Variants in NUMBL observed in about 807,000 individuals in gnomAD.
The protein encoded by NUMBL is numb-like protein.
NUMBL carries 20 observed loss-of-function variants against 48.9 expected under a neutral mutation model. The ratio of observed to expected loss-of-function variants is 0.41; its 90% CI spans 0.29 to 0.59. The LOEUF is 0.59. Ranked by LOEUF, NUMBL falls within the 20% of genes least tolerant of loss-of-function variation. NUMBL has a pLI of 0.31. For missense variants in NUMBL, 660 were observed against 846.2 expected (o/e 0.78, Z 2.73); for synonymous variants, 340 against 348.7 (o/e 0.98, Z 0.28).
intron 6 of NUMBL, 52 bp from the exon 7 acceptor site, chr19:40,677,473 G>C: frequency 6.5e-7 from 1 of 1,529,490 alleles, no homozygotes; most frequent in African/African-American, 1.4e-5. Context: ...AGTGCGGACA[G>C]GGGCCAGGGG....
rs528859807 is a variant in NUMBL at position 40,677,369 on chromosome 19, C to T, written c.593G>A (p.Arg198Gln). 2.1e-5 allele frequency: 34 copies of T among 1,611,868 alleles called. No individual in the cohort carries two copies. The highest frequency in any genetic ancestry group is 1.1e-4 in the African/African-American group (8 of 75,058). Residue 198 changes from arginine to glutamine, a missense_variant, in exon 7 of 10, where the codon CGA becomes CAA. Transcript: ENST00000252891. Reference sequence around the variant, plus strand: ...ACATTCCTTCTCCCGTCGCTGTTTTCGCTCCAGGCAGGCGGCAAAAGCACA... The same window carrying T: ...ACATTCCTTCTCCCGTCGCTGTTTTTGCTCCAGGCAGGCGGCAAAAGCACA... ...VGCAFAACLE[R>Q]KQRREKECGV...
At chr19:40,680,456 CT>C (rs68111971) in intron 6 of NUMBL, among the ~76,000 whole-genome samples, 103,067 of 147,828 alleles carry the variant, frequency 0.7, 36,576 homozygotes, top group African/African-American at 0.87. Flanking sequence ...GGCCAATACT[CT>C]TTTTTTTTTG....
Position 40,684,343 on chromosome 19 carries a change from G to C in NUMBL, c.249+74C>G. 2.7e-6 allele frequency: 4 copies of C among 1,465,854 alleles called. No homozygotes were observed. The East Asian group carries it at 7.7e-5, about 28-fold the overall frequency. The allele number at this position is 1,465,854 out of a possible 1,614,324, so 90.8% of individuals were successfully genotyped here. A position where few individuals can be genotyped will look rare whatever the true frequency, so the allele number is the denominator to read the frequency against. ...CGACTTGGGCTGGTGTCCCAGCCAG[G>C]CCGCGCACCCGCACAGCACAGCACA... On this transcript the variant is annotated intron_variant, in intron 3 of 9. Transcript: ENST00000252891.
Position 40,690,553 on chromosome 19 carries a change from T to A in NUMBL, c.-70A>T. 1.0e-6 allele frequency: 1 copy of A among 999,564 alleles called. No homozygotes were observed. The highest frequency in any genetic ancestry group is 1.3e-6 in the Non-Finnish European group (1 of 778,810). 61.9% of individuals were successfully genotyped at this position (999,564 alleles called of 1,614,324 possible). A position where few individuals can be genotyped will look rare whatever the true frequency, so the allele number is the denominator to read the frequency against. Reference sequence around the variant, plus strand: ...GGCTCCCCGACTGCTGCTGCTGCGGTGGTGGCGGCGGCAGCTCGGTCTGAC... The same window carrying A: ...GGCTCCCCGACTGCTGCTGCTGCGGAGGTGGCGGCGGCAGCTCGGTCTGAC... On this transcript the variant is annotated 5_prime_UTR_variant, in exon 1 of 10. Transcript: ENST00000252891.
intron 3 of NUMBL, 177 bp downstream of exon 3, chr19:40,684,240 T>C (rs1599912894): frequency 1.5e-6 from 1 of 647,246 alleles, no homozygotes; most frequent in African/African-American, 1.9e-5. Context: ...GGCTAATTTG[T>C]TGTATTTCTA....
rs1412342120 is a variant in NUMBL at position 40,666,149 on chromosome 19, T to TG, written c.*1318_*1319insC. The TG allele has an allele frequency of 5.1e-5, 4 of 78,200 alleles. No individual in the cohort carries two copies. The highest frequency in any genetic ancestry group is 2.4e-4 in the African/African-American group (3 of 12,712). 4.8% of individuals were successfully genotyped at this position (78,200 alleles called of 1,614,324 possible). A position where few individuals can be genotyped will look rare whatever the true frequency, so the allele number is the denominator to read the frequency against. On this transcript the variant is annotated 3_prime_UTR_variant, in exon 10 of 10. Coordinates refer to ENST00000252891, the MANE Select transcript of NUMBL (RefSeq NM_004756.5). ...AGCTAATTAGAAGTAGTTTTTTTTT[T>TG]TTTGTTTTTTTTTTTTGAGACAGAG...
intron 1 of NUMBL, 23 bp downstream of exon 1, chr19:40,690,436 GC>G (rs1379872888): frequency 4.1e-6 from 5 of 1,232,108 alleles, no homozygotes; most frequent in Admixed American, 7.7e-5. Flanking sequence ...CCCGACCCGA[GC>G]CCCCCTCTCC....
In NUMBL at chr19:40,679,297, G is replaced by A. The variant is rs1229977586; in HGVS notation, c.540+1620C>T. On this transcript the variant is annotated intron_variant, in intron 6 of 9. Coordinates refer to ENST00000252891, the MANE Select transcript of NUMBL (RefSeq NM_004756.5). ...CTCAGGAAGCTGAGGTGGGAGAATC[G>A]CTTGAACCCAGGTTGCAGTGAGGCG... 3.9e-5 allele frequency among the ~76,000 whole-genome samples: 6 copies of A among 152,126 alleles called. No homozygotes were observed. The East Asian group carries it at 9.7e-4, about 24-fold the overall frequency.
At chr19:40,674,881 G>A (rs1396830399) in intron 7 of NUMBL, among the ~76,000 whole-genome samples, 1 of 152,162 alleles carries the variant, frequency 6.6e-6, no homozygotes, top group African/African-American at 2.4e-5. Context: ...GTTCACGCCT[G>A]TAATCCCAGC....
Position 40,688,211 on chromosome 19 carries a change from C to G in NUMBL, c.25-1216G>C, listed in dbSNP as rs978954670. Among the ~76,000 whole-genome samples, 2 of 152,220 alleles carry G rather than the reference C, an allele frequency of 1.3e-5. No individual in the cohort carries two copies. Among genetic ancestry groups the G allele is most frequent in the African/African-American group, 2.4e-5 (1 of 41,452 alleles). On this transcript the variant is annotated intron_variant, in intron 1 of 9. Coordinates refer to ENST00000252891, the MANE Select transcript of NUMBL (RefSeq NM_004756.5). The surrounding 1 kb of genome is among the most constrained non-coding windows in gnomAD (Gnocchi z 4.6). Reference sequence around the variant, plus strand: ...CACCCAGTGTCCATACACAGCTGTACCATGTCACTCCAATGCAGCGAAACA... The same window carrying G: ...CACCCAGTGTCCATACACAGCTGTAGCATGTCACTCCAATGCAGCGAAACA...
intron 1 of NUMBL, chr19:40,689,553 C>G (rs1462406296): frequency 6.5e-6 from 1 of 153,104 alleles, no homozygotes; most frequent in Non-Finnish European, 1.5e-5. Flanking sequence ...CCCCCCTTCC[C>G]CCCAGGTACC....
chr19:40,681,654 C>T (rs2081905854), intron 5 of NUMBL, among the ~76,000 whole-genome samples: 1 of 152,100 alleles, frequency 6.6e-6, no homozygotes, highest in South Asian at 2.1e-4. Context: ...TTACGATGTA[C>T]TAGACCCCAT....
intron 1 of NUMBL, chr19:40,690,132 G>C (rs1339210824): frequency 3.9e-6 from 1 of 256,534 alleles, no homozygotes; most frequent in Non-Finnish European, 7.4e-6. Context: ...TGATACGGGG[G>C]CTGTGTCCCC....
Position 40,681,000 on chromosome 19 carries a change from G to A in NUMBL, c.457C>T (p.Leu153=). ...KVSFCAPDRN[L]DKAFSYICRD... ...CAGATATAGGAGAAAGCCTTGTCCA[G>A]GTTGCGGTCAGGAGCACAAAAGGAG... Residue 153 remains leucine, a synonymous_variant, in exon 6 of 10, where the codon CTG becomes TTG. Transcript: ENST00000252891. The A allele has an allele frequency of 6.2e-7, 1 of 1,614,230 alleles. No individual in the cohort carries two copies. The highest frequency in any genetic ancestry group is 8.5e-7 in the Non-Finnish European group (1 of 1,180,042).
chr19:40,690,434 G>A (rs149100456), intron 1 of NUMBL, 26 bp downstream of exon 1: 33,593 of 1,210,832 alleles, frequency 0.028, 577 homozygotes, highest in Non-Finnish European at 0.032. Flanking sequence ...CCCCCGACCC[G>A]AGCCCCCCTC....
intron 3 of NUMBL, chr19:40,684,073 T>TTTG (rs1331084357): frequency 5.7e-6 from 1 of 175,914 alleles, no homozygotes; most frequent in Non-Finnish European, 1.2e-5. Context: ...TTCAAGTTTT[T>TTTG]TTTTTTTTTT....
rs756523370 is a variant in NUMBL at position 40,668,146 on chromosome 19, GAGGAGAGGGAC to G, written c.1160-19_1160-9del. 8.8e-6 allele frequency: 14 copies of G among 1,585,670 alleles called. No individual in the cohort carries two copies. The African/African-American group carries it at 1.9e-4, about 21-fold the overall frequency. ...CACCCCAGGCAGAAGTCCCTGGAGA[GAGGAGAGGGAC>G]AGGTGAGGGAGGGGGCAACGGCTTC... is the stretch of plus-strand genomic sequence containing the variant. On this transcript the variant is annotated splice_polypyrimidine_tract_variant and intron_variant, in intron 9 of 9. Coordinates refer to ENST00000252891, the MANE Select transcript of NUMBL (RefSeq NM_004756.5).
chr19:40,684,462 T>C lies in NUMBL; in HGVS notation c.204A>G (p.Ala68=), dbSNP rs1397131496. The part of the protein sequence containing the change: ...PEASRPHQWQ[A]DEDAVRKGTC... Reference sequence around the variant, plus strand: ...TGCCCTTCCGCACCGCGTCCTCGTCTGCCTGCCACTGGTGCGGGCGCGACG... The same window carrying C: ...TGCCCTTCCGCACCGCGTCCTCGTCCGCCTGCCACTGGTGCGGGCGCGACG... The change falls in exon 3 of 10, where the codon GCA becomes GCG. Residue 68 remains alanine (A), a synonymous_variant. Coordinates refer to ENST00000252891, the MANE Select transcript of NUMBL (RefSeq NM_004756.5). 6 of 1,586,888 alleles carry C rather than the reference T, an allele frequency of 3.8e-6. No homozygotes were observed. Among genetic ancestry groups the C allele is most frequent in the Non-Finnish European group, 5.1e-6 (6 of 1,168,134 alleles).
chr19:40,668,484 T>G (rs2081828778), intron 9 of NUMBL, among the ~76,000 whole-genome samples: 1 of 152,138 alleles, frequency 6.6e-6, no homozygotes, highest in Non-Finnish European at 1.5e-5. Context: ...TGTTGTCTGT[T>G]CGTTTTGAGA....
Sources: gnomAD v4.1 joint callset for allele counts (sites outside exome capture counted in the v4.1 genomes callset) on GRCh38, gnomAD v4.1.1 for gene constraint, Gnocchi (gnomAD v3.1) non-coding constraint, MANE v1.5 for transcripts, NCBI Gene and HGNC (gene_info 2026-07-23, HGNC 2026-07-21) for gene names.